Variants in KAZN observed in about 807,000 individuals in gnomAD.
KAZN encodes kazrin, periplakin interacting protein, also known as kazrin.
A neutral mutation model predicts 87.4 loss-of-function variants in KAZN; 40 were observed. The observed-to-expected ratio is 0.46, with a 90% CI of 0.36 to 0.60. KAZN has a LOEUF of 0.60. Ranked by LOEUF, KAZN falls within the 20% of genes least tolerant of loss-of-function variation. The pLI is 0.00. For missense variants in KAZN, 898 were observed against 1,073.9 expected (o/e 0.84, Z 2.29); for synonymous variants, 466 against 458.3 (o/e 1.02, Z -0.22).
At chr1:13,921,094 C>G (rs954225703) in intron 1 of KAZN, among the ~76,000 whole-genome samples, 2 of 152,158 alleles carry the variant, frequency 1.3e-5, no homozygotes, top group East Asian at 1.9e-4. Flanking sequence ...CCAAGGATGA[C>G]TGATATTGAA....
At chr1:14,022,188 C>G (rs1042747469) in intron 1 of KAZN, among the ~76,000 whole-genome samples, 1 of 152,002 alleles carries the variant, frequency 6.6e-6, no homozygotes, top group South Asian at 2.1e-4. Context: ...TGCATGCATG[C>G]TCTTTCTAGC....
At chr1:14,436,183 C>G (rs769394429) in intron 2 of KAZN, among the ~76,000 whole-genome samples, 1 of 151,596 alleles carries the variant, frequency 6.6e-6, no homozygotes, top group Non-Finnish European at 1.5e-5. Context: ...GAGCCGAGAT[C>G]GCGCCATTGC....
At chr1:13,986,857 G>A (rs1340366379) in intron 1 of KAZN, among the ~76,000 whole-genome samples, 1 of 152,226 alleles carries the variant, frequency 6.6e-6, no homozygotes, top group Non-Finnish European at 1.5e-5. Context: ...TTAGACTCAT[G>A]CTGCTCTGTC....
At chr1:14,276,174 T>A (rs1008102558) in intron 2 of KAZN, among the ~76,000 whole-genome samples, 1 of 147,362 alleles carries the variant, frequency 6.8e-6, no homozygotes, top group Non-Finnish European at 1.5e-5. Context: ...TGTGTGTGTG[T>A]GTGTGTGTGT....
At chr1:14,972,596 A>T (rs529642148) in intron 2 of KAZN, among the ~76,000 whole-genome samples, 77 of 151,464 alleles carry the variant, frequency 5.1e-4, no homozygotes, top group Non-Finnish European at 9.6e-4. Context: ...GCTCACTGCA[A>T]CCCTGCCTCC....
intron 2 of KAZN, among the ~76,000 whole-genome samples, chr1:14,432,253 G>C (rs1444565678): frequency 1.3e-5 from 2 of 152,184 alleles, no homozygotes; most frequent in African/African-American, 4.8e-5. Context: ...TGACTATGTA[G>C]ATCATGGACC....
At chr1:14,115,753 CAGGAAA>C (rs1644602980) in intron 1 of KAZN, among the ~76,000 whole-genome samples, 1 of 149,800 alleles carries the variant, frequency 6.7e-6, no homozygotes, top group Admixed American at 6.7e-5. Flanking sequence ...CAGAAGAAGA[CAGGAAA>C]ATGTGGAAAA....
At chr1:14,429,372 TG>T (rs1665916724) in intron 2 of KAZN, among the ~76,000 whole-genome samples, 1 of 152,048 alleles carries the variant, frequency 6.6e-6, no homozygotes, top group South Asian at 2.1e-4. Context: ...AGGCAGAAAA[TG>T]GTCAGTCTTT....
intron 1 of KAZN, among the ~76,000 whole-genome samples, chr1:14,051,603 A>G (rs1373563768): frequency 1.3e-5 from 2 of 152,200 alleles, no homozygotes; most frequent in Non-Finnish European, 2.9e-5. Flanking sequence ...CTATAATCCC[A>G]GCACTTTGGG....
At chr1:14,268,945 G>T (rs1456402607) in intron 2 of KAZN, among the ~76,000 whole-genome samples, 35 of 152,208 alleles carry the variant, frequency 2.3e-4, no homozygotes. Context: ...TCATTAATGT[G>T]CTGGGAGCAA....
chr1:15,026,263 A>C (rs1671148351), intron 2 of KAZN, among the ~76,000 whole-genome samples: 1 of 152,148 alleles, frequency 6.6e-6, no homozygotes. Context: ...AACACTGAGC[A>C]CCTGCTGTAT....
At chr1:14,233,480 A>C (rs1290988296) in intron 2 of KAZN, among the ~76,000 whole-genome samples, 2 of 152,188 alleles carry the variant, frequency 1.3e-5, no homozygotes, top group African/African-American at 4.8e-5. Context: ...TGAATAAGGT[A>C]AATTATAAAG....
At chr1:14,029,857 A>G (rs1385031487) in intron 1 of KAZN, among the ~76,000 whole-genome samples, 1 of 152,176 alleles carries the variant, frequency 6.6e-6, no homozygotes. Context: ...TACCAGTACC[A>G]TGCTGTTTCG....
At chr1:14,350,243 G>C (rs1007668674) in intron 2 of KAZN, among the ~76,000 whole-genome samples, 2 of 152,090 alleles carry the variant, frequency 1.3e-5, no homozygotes, top group Non-Finnish European at 2.9e-5. Flanking sequence ...GTCCACTTTG[G>C]AGTCAAACAG....
intron 2 of KAZN, among the ~76,000 whole-genome samples, chr1:14,542,908 G>C (rs1014085682): frequency 2.7e-5 from 4 of 149,160 alleles, no homozygotes; most frequent in African/African-American, 9.8e-5. Flanking sequence ...GTGGTGCTTT[G>C]CTCAGCCTGC....
chr1:14,493,247 C>T (rs139632276), intron 2 of KAZN, among the ~76,000 whole-genome samples: 124 of 152,328 alleles, frequency 8.1e-4, no homozygotes, highest in African/African-American at 2.9e-3. Context: ...CAGACTTTCT[C>T]TGAAATCCCC....
chr1:15,072,678 G>A (rs1294847177), intron 8 of KAZN, among the ~76,000 whole-genome samples: 4 of 152,204 alleles, frequency 2.6e-5, no homozygotes, highest in Non-Finnish European at 5.9e-5. Context: ...CCAGTTTACA[G>A]ATGAACAAAC....
intron 1 of KAZN, among the ~76,000 whole-genome samples, chr1:14,062,690 G>C (rs1357680882): frequency 6.6e-6 from 1 of 152,122 alleles, no homozygotes; most frequent in Non-Finnish European, 1.5e-5. Flanking sequence ...TTCGAGTCTA[G>C]TGTGAAGGAG....
intron 1 of KAZN, among the ~76,000 whole-genome samples, chr1:14,001,077 C>T (rs188795054): frequency 4.0e-4 from 61 of 152,252 alleles, no homozygotes; most frequent in African/African-American, 1.3e-3. Context: ...CCACCACGCC[C>T]GGCCGACATG....
Sources: allele counts gnomAD v4.1 joint callset (sites outside exome capture counted in the v4.1 genomes callset), GRCh38; gene constraint gnomAD v4.1.1; transcripts MANE v1.5; gene names NCBI Gene and HGNC (gene_info 2026-07-23, HGNC 2026-07-21).